Variants in FHIT observed in about 807,000 individuals in gnomAD.
The protein encoded by FHIT is fragile histidine triad diadenosine triphosphatase.
FHIT carries 19 observed loss-of-function variants against 17.9 expected under a neutral mutation model. That is an observed-to-expected ratio of 1.06 (90% CI 0.74 to 1.56). The LOEUF (loss-of-function observed/expected upper bound fraction) is 1.56. Ranked by LOEUF, FHIT falls within the 40% of genes most tolerant of loss-of-function variation. FHIT has a pLI of 0.00. For synonymous variants in FHIT, 81 were observed against 69.7 expected (o/e 1.16, Z -0.81); for missense variants, 248 against 189.2 (o/e 1.31, Z -1.82).
intron 7 of FHIT, among the ~76,000 whole-genome samples, chr3:59,939,534 T>C (rs544854303): frequency 1.0e-3 from 157 of 152,292 alleles, no homozygotes; most frequent in Middle Eastern, 3.4e-3. Context: ...TAGTTTATAA[T>C]GATTTTTCTA....
intron 5 of FHIT, among the ~76,000 whole-genome samples, chr3:60,372,479 T>C (rs1200593469): frequency 6.6e-6 from 1 of 152,192 alleles, no homozygotes; most frequent in African/African-American, 2.4e-5. Flanking sequence ...TCATTGTATT[T>C]TCCGCTTATC....
At chr3:60,627,294 T>G (rs2039315059) in intron 4 of FHIT, among the ~76,000 whole-genome samples, 1 of 152,186 alleles carries the variant, frequency 6.6e-6, no homozygotes, top group Non-Finnish European at 1.5e-5. Context: ...GAACTTGGAC[T>G]TTTATTTGTG....
chr3:60,436,368 T>C (rs746065598), intron 5 of FHIT, among the ~76,000 whole-genome samples: 3 of 152,036 alleles, frequency 2.0e-5, no homozygotes, highest in Non-Finnish European at 2.9e-5. Context: ...ATTTTCTTTA[T>C]CCAGTTTATC....
At position 60,196,424 on chromosome 3, in the gene FHIT, C is replaced by T. The variant is rs554245400; in HGVS notation, c.104-182272G>A. On this transcript the variant is annotated intron_variant, in intron 5 of 9. Transcript: ENST00000492590. ...ACCTTCTCTCACTCTGACTCGCTTG[C>T]CTCCCTCTTTCATTTATAAGGACCC... Among the ~76,000 whole-genome samples, 23 of 152,240 alleles carry T rather than the reference C, an allele frequency of 1.5e-4. No homozygotes were observed. The South Asian group carries it at 4.8e-3, about 32-fold the overall frequency.
At chr3:60,878,051 C>G (rs1307145400) in intron 3 of FHIT, among the ~76,000 whole-genome samples, 3 of 152,200 alleles carry the variant, frequency 2.0e-5, no homozygotes, top group East Asian at 1.9e-4. Context: ...TAAATTATAG[C>G]TGTACCATGC....
At chr3:60,057,625 CT>C (rs1702132973) in intron 5 of FHIT, among the ~76,000 whole-genome samples, 1 of 151,448 alleles carries the variant, frequency 6.6e-6, no homozygotes, top group African/African-American at 2.4e-5. Context: ...CCTTTGTGGT[CT>C]TAATGCTTGA....
At chr3:60,897,632 A>G (rs1705897694) in intron 3 of FHIT, among the ~76,000 whole-genome samples, 1 of 152,202 alleles carries the variant, frequency 6.6e-6, no homozygotes, top group Non-Finnish European at 1.5e-5. Context: ...GTATGTAAGA[A>G]GAAAATCCTA....
intron 5 of FHIT, among the ~76,000 whole-genome samples, chr3:60,244,195 AATGTTCAATACTTCAGTTATTATACTTC>A (rs1419726717): frequency 1.3e-5 from 2 of 152,050 alleles, no homozygotes; most frequent in African/African-American, 2.4e-5. Context: ...TGTTCATTCT[AATGTTCAATACTTCAGTTATTATACTTC>A]ATATTTTCCC....
rs1203545171 is a variant in FHIT at position 60,175,570 on chromosome 3, T to C, written c.104-161418A>G. Among the ~76,000 whole-genome samples, 3 of 152,138 alleles carry C rather than the reference T, an allele frequency of 2.0e-5. No homozygotes were observed. The East Asian group carries it at 5.8e-4, about 29-fold the overall frequency. On this transcript the variant is annotated intron_variant, in intron 5 of 9. Transcript: ENST00000492590. Reference sequence around the variant, plus strand: ...ATAATGACTCTTTGGGAAGTCTAAATGGCAATACGAGCAAAGTTACAATGC... The same window carrying C: ...ATAATGACTCTTTGGGAAGTCTAAACGGCAATACGAGCAAAGTTACAATGC...
intron 5 of FHIT, among the ~76,000 whole-genome samples, chr3:60,173,413 T>C (rs1440503401): frequency 1.3e-5 from 2 of 152,172 alleles, no homozygotes; most frequent in African/African-American, 2.4e-5. Flanking sequence ...TGAATGTTCA[T>C]CCATGGATGC....
At chr3:60,165,120 G>A (rs559117479) in intron 5 of FHIT, among the ~76,000 whole-genome samples, 1 of 152,178 alleles carries the variant, frequency 6.6e-6, no homozygotes, top group Non-Finnish European at 1.5e-5. Context: ...AGGAAGTGAT[G>A]AGGATGATGA....
intron 5 of FHIT, among the ~76,000 whole-genome samples, chr3:60,108,665 CT>C (rs67464031): frequency 0.11 from 15,163 of 143,776 alleles, 1,342 homozygotes; most frequent in East Asian, 0.42. Context: ...AGTTACTTCT[CT>C]TTTTTTTTTT....
chr3:59,861,110 C>G (rs1248059558), intron 8 of FHIT, among the ~76,000 whole-genome samples: 1 of 151,976 alleles, frequency 6.6e-6, no homozygotes, highest in Admixed American at 6.6e-5. Flanking sequence ...GGACTCTTGG[C>G]TGAAGGGGAA....
At chr3:60,394,638 T>G (rs531713805) in intron 5 of FHIT, among the ~76,000 whole-genome samples, 1 of 152,224 alleles carries the variant, frequency 6.6e-6, no homozygotes, top group East Asian at 1.9e-4. Flanking sequence ...AGCCTCAGTT[T>G]TTTCATCTCC....
chr3:59,945,827 C>T (rs1706774770), intron 7 of FHIT, among the ~76,000 whole-genome samples: 1 of 152,100 alleles, frequency 6.6e-6, no homozygotes, highest in Admixed American at 6.5e-5. Context: ...TGTTGAAGAT[C>T]AGATGGTTGT....
chr3:61,064,383 C>T (rs1001338092), intron 2 of FHIT, among the ~76,000 whole-genome samples: 1 of 152,072 alleles, frequency 6.6e-6, no homozygotes, highest in Non-Finnish European at 1.5e-5. Context: ...GCCAATACAC[C>T]GCCAATGGTG....
intron 5 of FHIT, among the ~76,000 whole-genome samples, chr3:60,372,203 A>T (rs890510283): frequency 6.6e-6 from 1 of 152,158 alleles, no homozygotes; most frequent in Non-Finnish European, 1.5e-5. Context: ...AGTCTGAGAA[A>T]TGTGGAATAT....
chr3:60,852,354 G>A (rs2106918050), intron 3 of FHIT, among the ~76,000 whole-genome samples: 1 of 152,162 alleles, frequency 6.6e-6, no homozygotes, highest in East Asian at 1.9e-4. Context: ...ATAGTCACAA[G>A]AGCCAACTTC....
chr3:60,505,552 C>A (rs1249571299), intron 5 of FHIT, among the ~76,000 whole-genome samples: 1 of 152,138 alleles, frequency 6.6e-6, no homozygotes, highest in Non-Finnish European at 1.5e-5. Flanking sequence ...GACGCACATT[C>A]TCTCTCATAT....
Sources: gnomAD v4.1 joint callset for allele counts (sites outside exome capture counted in the v4.1 genomes callset) on GRCh38, gnomAD v4.1.1 for gene constraint, MANE v1.5 for transcripts, NCBI Gene and HGNC (gene_info 2026-07-23, HGNC 2026-07-21) for gene names.